The following IRS2 variants were observed in gnomAD, a reference collection of about 807,000 sequenced individuals.
IRS2 encodes insulin receptor substrate 2.
Under a neutral mutation model 70.9 loss-of-function variants are expected in IRS2, and 28 were observed. That is an observed-to-expected ratio of 0.39 (90% confidence interval 0.29 to 0.54). The LOEUF is 0.54. Among genes scored for constraint, IRS2 ranks in the 20% least tolerant of loss-of-function variants. The pLI is 0.59. For synonymous variants in IRS2, 1,217 were observed against 981.9 expected (o/e 1.24, Z -4.48); for missense variants, 2,081 against 2,024.1 (o/e 1.03, Z -0.54).
Position 109,784,533 on chromosome 13 carries a change from T to C in IRS2, c.1521A>G (p.Pro507=). 6.6e-7 allele frequency: 1 copy of C among 1,518,558 alleles called. No individual in the cohort carries two copies. The highest frequency in any genetic ancestry group is 8.8e-7 in the Non-Finnish European group (1 of 1,136,390). The allele number at this position is 1,518,558 out of a possible 1,614,324, so 94.1% of individuals were successfully genotyped here. Residue 507 remains proline (P), a synonymous_variant, in exon 1 of 2, where the codon CCA becomes CCG. Transcript: ENST00000375856. The surrounding 1 kb of genome is among the most constrained non-coding windows in gnomAD (Gnocchi z 5.2). ...FMSLDEYGSS[P]GDLRAFCSHR... ...GGCTGCAGAAGGCGCGCAGGTCGCC[T>C]GGGCTGGAGCCGTACTCGTCCAGGG...
chr13:109,770,134 C>T (rs1877420079), intron 1 of IRS2, among the ~76,000 whole-genome samples: 1 of 152,174 alleles, frequency 6.6e-6, no homozygotes, highest in African/African-American at 2.4e-5. Flanking sequence ...CCATGGAGGG[C>T]AGGGAGGCCA....
At chr13:109,776,496 A>G (rs1261969041) in intron 1 of IRS2, among the ~76,000 whole-genome samples, 1 of 152,222 alleles carries the variant, frequency 6.6e-6, no homozygotes, top group Non-Finnish European at 1.5e-5. Flanking sequence ...GTAACCCATA[A>G]GTTTTAATCC....
intron 1 of IRS2, among the ~76,000 whole-genome samples, chr13:109,757,726 G>T (rs1238465619): frequency 2.0e-5 from 3 of 152,144 alleles, no homozygotes; most frequent in African/African-American, 7.2e-5. Context: ...CTGTCACCCA[G>T]GCTGGAGTGC....
rs2138939498 is a variant in IRS2 at position 109,785,880 on chromosome 13, G to C, written c.174C>G (p.Asp58Glu). ...FVLRGPGAGG[D>E]EATAGGGSAP... ...CCGACCCCCCGCCCGCCGTCGCCTC[G>C]TCGCCGCCCGCGCCGGGTCCGCGCA... The change falls in exon 1 of 2, where the codon GAC becomes GAG. Residue 58 changes from aspartate (D) to glutamate (E), a missense_variant. Asp to Glu is a conservative substitution (Grantham distance 45). Around this residue, in one of 4 missense-constraint regions of IRS2, gnomAD observed 320 missense variants for 352.9 expected, o/e 0.91. Coordinates refer to ENST00000375856, the MANE Select transcript of IRS2 (RefSeq NM_003749.3). This position sits in a 1 kb window ranked among gnomAD's most constrained non-coding sequence, Gnocchi z 9.3. The C allele has an allele frequency of 9.3e-6, 14 of 1,501,956 alleles. No homozygotes were observed. Among genetic ancestry groups the C allele is most frequent in the African/African-American group, 1.4e-5 (1 of 70,080 alleles). 93.0% of individuals were successfully genotyped at this position (1,501,956 alleles called of 1,614,324 possible).
intron 1 of IRS2, among the ~76,000 whole-genome samples, chr13:109,759,249 G>A (rs1355628860): frequency 6.6e-6 from 1 of 152,168 alleles, no homozygotes; most frequent in Non-Finnish European, 1.5e-5. Context: ...TGTGCTCAGC[G>A]GGCACAGGCC....
intron 1 of IRS2, among the ~76,000 whole-genome samples, chr13:109,779,377 A>C (rs188415180): frequency 1.3e-5 from 2 of 152,256 alleles, no homozygotes; most frequent in Non-Finnish European, 1.5e-5. Context: ...TTCATCTTCA[A>C]AGAAATGCTT....
rs762766393 is a variant in IRS2 at position 109,783,954 on chromosome 13, G to A, written c.2100C>T (p.Ala700=). The stretch of plus-strand genomic sequence containing the variant: ...CCGCAGGCCCCGCAGAAGGCACGGC[G>A]GCGGCGGCGGCGGCGGCGGCCCTGG... The part of the protein sequence containing the change: ...LQPRAAAAAA[A]AVPSAGPAGP... Residue 700 remains alanine (A), a synonymous_variant, in exon 1 of 2, where the codon GCC becomes GCT. Coordinates refer to ENST00000375856, the MANE Select transcript of IRS2 (RefSeq NM_003749.3). The A allele has an allele frequency of 8.6e-6, 13 of 1,505,918 alleles. No homozygotes were observed. The highest frequency in any genetic ancestry group is 1.8e-4 in the Middle Eastern group (1 of 5,476). The allele number at this position is 1,505,918 out of a possible 1,614,324, so 93.3% of individuals were successfully genotyped here.
At chr13:109,764,043 C>T (rs1877283490) in intron 1 of IRS2, among the ~76,000 whole-genome samples, 1 of 152,190 alleles carries the variant, frequency 6.6e-6, no homozygotes, top group South Asian at 2.1e-4. Context: ...TAAGAATCAC[C>T]ACGTAGCCTT....
Position 109,783,823 on chromosome 13 carries a change from C to T in IRS2, c.2231G>A (p.Arg744His), listed in dbSNP as rs1427557055. 1.3e-6 allele frequency: 2 copies of T among 1,589,696 alleles called. No individual in the cohort carries two copies. The highest frequency in any genetic ancestry group is 1.7e-6 in the Non-Finnish European group (2 of 1,168,474). The change falls in exon 1 of 2, where the codon CGC becomes CAC. Residue 744 changes from arginine to histidine, a missense_variant. This residue lies in a region of IRS2 where 1,615 missense variants were observed against 1,459.5 expected (regional missense o/e 1.11). Transcript: ENST00000375856. ...GGACAGCTTGGAACCGCACCACATG[C>T]GCATGTACCCACTGTCCTCGGGGGA... ...ESSPEDSGYM[R>H]MWCGSKLSME...
intron 1 of IRS2, among the ~76,000 whole-genome samples, chr13:109,760,431 C>T (rs1298038445): frequency 6.6e-6 from 1 of 152,220 alleles, no homozygotes; most frequent in East Asian, 1.9e-4. Context: ...GTCCCTTAGA[C>T]GTTGCTTTGT....
intron 1 of IRS2, among the ~76,000 whole-genome samples, chr13:109,772,839 G>A (rs1877486357): frequency 1.3e-5 from 2 of 151,790 alleles, no homozygotes; most frequent in South Asian, 2.1e-4. Context: ...GGGACTACAG[G>A]CGCCCGCCAC....
Position 109,783,038 on chromosome 13 carries a change from G to A in IRS2, c.3016C>T (p.Leu1006=), listed in dbSNP as rs2138931503. Residue 1006 remains leucine (L), a synonymous_variant, in exon 1 of 2, where the codon CTG becomes TTG. Transcript: ENST00000375856. ...TACGGGGAGGAGGCCTCGGGGGACA[G>A]GAGGCCGTCCAAGGAGCCCACGGGG... The part of the protein sequence containing the change: ...GHPVGSLDGL[L]SPEASSPYPP... 1 of 1,367,696 alleles carries A rather than the reference G, an allele frequency of 7.3e-7. No homozygotes were observed. The highest frequency in any genetic ancestry group is 9.4e-7 in the Non-Finnish European group (1 of 1,065,802). The allele number at this position is 1,367,696 out of a possible 1,614,324, so 84.7% of individuals were successfully genotyped here. A position where few individuals can be genotyped will look rare whatever the true frequency, so the allele number is the denominator to read the frequency against.
rs2138937468 is a variant in IRS2, at chr13:109,785,094, G to C, written c.960C>G (p.Pro320=). The change falls in exon 1 of 2, where the codon CCC becomes CCG. Residue 320 remains proline (P), a synonymous_variant. Coordinates refer to ENST00000375856, the MANE Select transcript of IRS2 (RefSeq NM_003749.3). The surrounding 1 kb of genome is among the most constrained non-coding windows in gnomAD (Gnocchi z 9.3). ...GSSATHPISV[P]GARRHHHLVN... ...CCAGGTGGTGGTGGCGGCGCGCGCC[G>C]GGGACGCTGATGGGGTGCGTGGCCG... is the stretch of plus-strand genomic sequence containing the variant. 2 of 1,584,626 alleles carry C rather than the reference G, an allele frequency of 1.3e-6. No individual in the cohort carries two copies. Among genetic ancestry groups the C allele is most frequent in the Non-Finnish European group, 1.7e-6 (2 of 1,166,598 alleles).
Position 109,784,623 on chromosome 13 carries a change from G to A in IRS2, c.1431C>T (p.Pro477=), listed in dbSNP as rs1411702128. 2 of 1,332,562 alleles carry A rather than the reference G, an allele frequency of 1.5e-6. No homozygotes were observed. The highest frequency in any genetic ancestry group is 2.0e-5 in the South Asian group (1 of 49,712). 82.5% of individuals were successfully genotyped at this position (1,332,562 alleles called of 1,614,324 possible). A position where few individuals can be genotyped will look rare whatever the true frequency, so the allele number is the denominator to read the frequency against. Residue 477 remains proline, a synonymous_variant, in exon 1 of 2, where the codon CCC becomes CCT. Transcript: ENST00000375856. The surrounding 1 kb of genome is among the most constrained non-coding windows in gnomAD (Gnocchi z 5.2). The part of the protein sequence containing the change: ...PPLPHPLHHG[P]GQRPSSGSAS... ...CGCTGCCGCTGGAGGGCCGCTGGCCGGGGCCGTGGTGCAGCGGATGCGGCA... is the reference window on the plus strand; with the variant it reads ...CGCTGCCGCTGGAGGGCCGCTGGCCAGGGCCGTGGTGCAGCGGATGCGGCA...
At chr13:109,778,426 G>A (rs565584737) in intron 1 of IRS2, among the ~76,000 whole-genome samples, 1 of 152,348 alleles carries the variant, frequency 6.6e-6, no homozygotes, top group African/African-American at 2.4e-5. Flanking sequence ...AAGCCGGTGT[G>A]TGTTTTCATT....
rs2138930829 is a variant in IRS2 at position 109,782,843 on chromosome 13, C to T, written c.3211G>A (p.Asp1071Asn). The change falls in exon 1 of 2, where the codon GAC becomes AAC. Residue 1071 changes from aspartate to asparagine, a missense_variant. This residue lies in a region of IRS2 where 1,615 missense variants were observed against 1,459.5 expected (regional missense o/e 1.11). Transcript: ENST00000375856. Reference protein sequence around the residue: ...SLSSDTGDNGDYTEMAFGVAA... With the variant: ...SLSSDTGDNGNYTEMAFGVAA... ...ACACCAAAAGCCATCTCGGTGTAGT[C>T]ACCATTGTCCCCGGTGTCCGAGGAC... 6.3e-7 allele frequency: 1 copy of T among 1,586,016 alleles called. No homozygotes were observed.
Position 109,783,700 on chromosome 13 carries a change from G to A in IRS2, c.2354C>T (p.Ser785Phe), listed in dbSNP as rs1566413313. 3 of 1,566,492 alleles carry A rather than the reference G, an allele frequency of 1.9e-6. No homozygotes were observed. Among genetic ancestry groups the A allele is most frequent in the Admixed American group, 3.7e-5 (2 of 53,424 alleles). The change falls in exon 1 of 2, where the codon TCC (serine) becomes TTC (phenylalanine). Residue 785 changes from serine (S) to phenylalanine (F), a missense_variant. By Grantham distance (155) the Ser-to-Phe change is radical. Around this residue, in one of 4 missense-constraint regions of IRS2, gnomAD observed 1,615 missense variants for 1,459.5 expected, o/e 1.11. Transcript: ENST00000375856. ...VTTGTPPDFFSAALHPGGEPL... is the reference protein window; with the variant it reads ...VTTGTPPDFFFAALHPGGEPL... ...CTCCCCGCCGGGGTGCAGGGCTGCG[G>A]AGAAGAAGTCGGGCGGGGTGCCCGT...
In IRS2 at chr13:109,784,169, G is replaced by A. The variant is rs1204315518; in HGVS notation, c.1885C>T (p.Pro629Ser). 1.3e-6 allele frequency: 2 copies of A among 1,580,972 alleles called. No individual in the cohort carries two copies. Among genetic ancestry groups the A allele is most frequent in the East Asian group, 2.3e-5 (1 of 44,396 alleles). The change falls in exon 1 of 2, where the codon CCA becomes TCA. Residue 629 changes from proline (P) to serine (S), a missense_variant. This residue lies in a region of IRS2 where 1,615 missense variants were observed against 1,459.5 expected (regional missense o/e 1.11). Coordinates refer to ENST00000375856, the MANE Select transcript of IRS2 (RefSeq NM_003749.3). This position sits in a 1 kb window ranked among gnomAD's most constrained non-coding sequence, Gnocchi z 5.2. ...SSPKVAYHPY[P>S]EDYGDIEIGS... is the part of the protein sequence containing the mutation. Reference sequence around the variant, plus strand: ...ATCTCGATGTCTCCGTAGTCCTCTGGGTAGGGGTGGTAGGCCACCTTGGGA... The same window carrying A: ...ATCTCGATGTCTCCGTAGTCCTCTGAGTAGGGGTGGTAGGCCACCTTGGGA...
At position 109,784,818 on chromosome 13, in the gene IRS2, G is replaced by T; in HGVS notation, c.1236C>A (p.Arg412=). Reference sequence around the variant, plus strand: ...CCGGCAGCAGCGCCACCTTGCTCCCGCGGCCGCCGCAGCCGCCGCTCAGGG... The same window carrying T: ...CCGGCAGCAGCGCCACCTTGCTCCCTCGGCCGCCGCAGCCGCCGCTCAGGG... The part of the protein sequence containing the change: ...SHTLSGGCGG[R]GSKVALLPAG... The change falls in exon 1 of 2, where the codon CGC becomes CGA. Residue 412 remains arginine (R), a synonymous_variant. Coordinates refer to ENST00000375856, the MANE Select transcript of IRS2 (RefSeq NM_003749.3). The surrounding 1 kb of genome is among the most constrained non-coding windows in gnomAD (Gnocchi z 5.2). The T allele has an allele frequency of 7.9e-7, 1 of 1,266,444 alleles. No individual in the cohort carries two copies. The allele number at this position is 1,266,444 out of a possible 1,614,324, so 78.5% of individuals were successfully genotyped here.
Sources: allele counts gnomAD v4.1 joint callset (sites outside exome capture counted in the v4.1 genomes callset), GRCh38; gene constraint gnomAD v4.1.1; regional missense constraint gnomAD v4.1.1; non-coding constraint Gnocchi (gnomAD v3.1); transcripts MANE v1.5; gene names NCBI Gene and HGNC (gene_info 2026-07-23, HGNC 2026-07-21).